The following UNC13C variants were observed in gnomAD, a reference collection of about 807,000 sequenced individuals.
UNC13C encodes unc-13 homolog C, also known as protein unc-13 homolog C.
In UNC13C, 174 loss-of-function variants were observed where a neutral mutation model predicts 245.4. That is an observed-to-expected ratio of 0.71 (90% CI 0.63 to 0.80). The LOEUF (loss-of-function observed/expected upper bound fraction) is 0.80, where lower values mean the gene tolerates loss of function less well. Ranked by LOEUF, UNC13C falls within the 30% of genes least tolerant of loss-of-function variation. The pLI is 0.00. For missense variants in UNC13C, 2,829 were observed against 2,602.9 expected, an observed-to-expected ratio of 1.09 and a Z score of -1.89; for synonymous variants, 992 against 895.1, an observed-to-expected ratio of 1.11 and a Z score of -1.93.
rs1595700051 is a variant in UNC13C at position 54,003,933 on chromosome 15, C to A, written c.-256-8715C>A. Among the ~76,000 whole-genome samples the A allele has an allele frequency of 2.0e-5, 3 of 152,190 alleles. No homozygotes were observed. In the South Asian group the frequency reaches 6.2e-4, roughly 32 times the overall value. ...GGCTGAGGCAGGAGAATGGTGTGAACCTGGAAGGGGCAGCTTGCAGTGAGC... is the reference window on the plus strand; with the variant it reads ...GGCTGAGGCAGGAGAATGGTGTGAAACTGGAAGGGGCAGCTTGCAGTGAGC... On this transcript the variant is annotated intron_variant, in intron 1 of 32. Coordinates refer to ENST00000260323, the MANE Select transcript of UNC13C (RefSeq NM_001080534.3).
At chr15:53,926,145 T>C in the UNC13C span, among the ~76,000 whole-genome samples, 11 of 152,186 alleles carry the variant, frequency 7.2e-5, no homozygotes, top group African/African-American at 2.6e-4. Flanking sequence ...GGGGTTAGTA[T>C]GACTCATAGA....
chr15:54,251,634 G>A (rs771774845), intron 8 of UNC13C, among the ~76,000 whole-genome samples: 2 of 152,092 alleles, frequency 1.3e-5, no homozygotes, highest in Non-Finnish European at 2.9e-5. Flanking sequence ...TATTTATTTG[G>A]TAGTGTCACT....
At chr15:54,518,428 C>T (rs561955188) in intron 24 of UNC13C, among the ~76,000 whole-genome samples, 12 of 152,020 alleles carry the variant, frequency 7.9e-5, no homozygotes, top group African/African-American at 2.7e-4. Flanking sequence ...CTCTCTGAAC[C>T]TTAAGAAAAC....
At chr15:54,496,210 T>TA (rs1320397893) in intron 20 of UNC13C, among the ~76,000 whole-genome samples, 19 of 152,192 alleles carry the variant, frequency 1.2e-4, no homozygotes, top group African/African-American at 4.3e-4. Flanking sequence ...AAATAAAACA[T>TA]ACTTAAAATA....
chr15:54,184,562 C>T (rs28665266), intron 4 of UNC13C, among the ~76,000 whole-genome samples: 12,119 of 152,006 alleles, frequency 0.08, 707 homozygotes, highest in African/African-American at 0.16. Flanking sequence ...ATGATGGTTT[C>T]CAGCTTCATC....
At chr15:53,843,153 T>A in the UNC13C span, among the ~76,000 whole-genome samples, 1 of 152,166 alleles carries the variant, frequency 6.6e-6, no homozygotes, top group East Asian at 1.9e-4. Flanking sequence ...TTGGTAAATA[T>A]AATTCACTTG....
chr15:54,455,523 C>CTT (rs376576049), intron 19 of UNC13C, among the ~76,000 whole-genome samples: 1 of 126,882 alleles, frequency 7.9e-6, no homozygotes. Flanking sequence ...CCAACATCTG[C>CTT]TTTTTTTTTT....
chr15:54,213,268 AT>A (rs1311217941), intron 4 of UNC13C, among the ~76,000 whole-genome samples: 4 of 152,014 alleles, frequency 2.6e-5, no homozygotes, highest in African/African-American at 9.7e-5. Flanking sequence ...AATGAAAAGA[AT>A]TCTTTCATTC....
chr15:54,175,735 A>G (rs1274747023), intron 4 of UNC13C, among the ~76,000 whole-genome samples: 1 of 151,972 alleles, frequency 6.6e-6, no homozygotes, highest in African/African-American at 2.4e-5. Flanking sequence ...AATACACAGA[A>G]ACTGGTAGTA....
chr15:54,557,429 C>T (rs557034800), intron 29 of UNC13C, among the ~76,000 whole-genome samples: 41 of 151,990 alleles, frequency 2.7e-4, no homozygotes, highest in African/African-American at 8.9e-4. Context: ...GCTGAGACTC[C>T]CTTTATCTTG....
chr15:54,561,092 C>A (rs1359659283), intron 29 of UNC13C, among the ~76,000 whole-genome samples: 1 of 151,932 alleles, frequency 6.6e-6, no homozygotes, highest in South Asian at 2.1e-4. Flanking sequence ...TTTCCCCAAG[C>A]AATAGTTCAA....
chr15:54,508,140 T>C (rs1394359393), intron 23 of UNC13C, among the ~76,000 whole-genome samples: 1 of 151,168 alleles, frequency 6.6e-6, no homozygotes, highest in Non-Finnish European at 1.5e-5. Context: ...AATTATTTCT[T>C]ATTGCTATTG....
At chr15:53,952,545 TGAAACA>T in the UNC13C span, among the ~76,000 whole-genome samples, 1 of 152,214 alleles carries the variant, frequency 6.6e-6, no homozygotes. Flanking sequence ...GATGGTTATT[TGAAACA>T]CCTTGGGACC....
chr15:54,415,035 T>C lies in UNC13C; in HGVS notation c.4901T>C (p.Leu1634Pro). ...ATAAGTGCCGAAATTATGTGGACTC[T>C]TTTTGCTCTGGATATGAAATATGCA... is the stretch of plus-strand genomic sequence containing the variant. ...GKISAEIMWT[L>P]FALDMKYALE... is the part of the protein sequence containing the mutation. Residue 1634 changes from leucine (L) to proline (P), a missense_variant, in exon 19 of 33, where the codon CTT becomes CCT. Leu to Pro is a moderately conservative substitution (Grantham distance 98). Coordinates refer to ENST00000260323, the MANE Select transcript of UNC13C (RefSeq NM_001080534.3). The C allele has an allele frequency of 6.2e-7, 1 of 1,612,644 alleles. No individual in the cohort carries two copies. The highest frequency in any genetic ancestry group is 1.3e-5 in the African/African-American group (1 of 75,020).
chr15:54,521,872 C>T (rs758868631), intron 24 of UNC13C, among the ~76,000 whole-genome samples: 4 of 152,228 alleles, frequency 2.6e-5, no homozygotes, highest in Non-Finnish European at 5.9e-5. Flanking sequence ...TGTCTATCCT[C>T]ACTTCCTTCC....
intron 17 of UNC13C, among the ~76,000 whole-genome samples, chr15:54,363,939 T>C (rs2039296402): frequency 2.0e-5 from 3 of 152,224 alleles, no homozygotes; most frequent in Admixed American, 2.0e-4. Context: ...TTTCAGTATA[T>C]TAAAAAGCCC....
chr15:54,313,605 A>G (rs2037930444), intron 13 of UNC13C, among the ~76,000 whole-genome samples: 1 of 151,848 alleles, frequency 6.6e-6, no homozygotes, highest in African/African-American at 2.4e-5. Flanking sequence ...ATAAAACTGC[A>G]TAACCTTTAA....
At chr15:54,300,129 G>T in intron 12 of UNC13C, 81 bp from the exon 13 acceptor site, 1 of 1,335,490 alleles carries the variant, frequency 7.5e-7, no homozygotes, top group East Asian at 2.5e-5. Context: ...CAGTGCAAGA[G>T]CATTTTACTG....
At chr15:54,282,626 C>T (rs2037029111) in intron 10 of UNC13C, among the ~76,000 whole-genome samples, 2 of 152,136 alleles carry the variant, frequency 1.3e-5, no homozygotes, top group South Asian at 4.1e-4. Flanking sequence ...TGGCCCCTTG[C>T]CTCATCATGT....
Sources: allele counts gnomAD v4.1 joint callset (sites outside exome capture counted in the v4.1 genomes callset), GRCh38; gene constraint gnomAD v4.1.1; transcripts MANE v1.5; gene names NCBI Gene and HGNC (gene_info 2026-07-23, HGNC 2026-07-21).